The following IKZF2 variants were observed in gnomAD, a reference collection of about 807,000 sequenced individuals.
The protein encoded by IKZF2 is zinc finger protein Helios.
Under a neutral mutation model 49.2 loss-of-function variants are expected in IKZF2, and 15 were observed. The ratio of observed to expected loss-of-function variants is 0.30; its 90% CI spans 0.20 to 0.47. The LOEUF is 0.47. Ranked by LOEUF, IKZF2 falls within the 20% of genes least tolerant of loss-of-function variation. The pLI is 1.00. For synonymous variants in IKZF2, 227 were observed against 221.4 expected, an observed-to-expected ratio of 1.03 and a Z score of -0.23; for missense variants, 567 against 664.6, an observed-to-expected ratio of 0.85 and a Z score of 1.61.
At chr2:213,009,781 AG>A (rs1201229804) in intron 8 of IKZF2, among the ~76,000 whole-genome samples, 1 of 152,106 alleles carries the variant, frequency 6.6e-6, no homozygotes, top group Non-Finnish European at 1.5e-5. Flanking sequence ...AGGGGACTAA[AG>A]GAACACTTCT....
intron 4 of IKZF2, among the ~76,000 whole-genome samples, chr2:213,132,723 G>A (rs1235253002): frequency 6.6e-6 from 1 of 152,160 alleles, no homozygotes; most frequent in Non-Finnish European, 1.5e-5. Flanking sequence ...ACACCAAGCA[G>A]CCAAGACCTG....
intron 6 of IKZF2, among the ~76,000 whole-genome samples, chr2:213,040,860 G>A (rs905946403): frequency 6.6e-6 from 1 of 152,222 alleles, no homozygotes; most frequent in Non-Finnish European, 1.5e-5. Flanking sequence ...GCTCACGCCT[G>A]TAATCCCAGC....
At chr2:213,038,946 T>C (rs1699331735) in intron 6 of IKZF2, among the ~76,000 whole-genome samples, 1 of 152,150 alleles carries the variant, frequency 6.6e-6, no homozygotes, top group African/African-American at 2.4e-5. Flanking sequence ...AACATTATGT[T>C]GTTTCTTTAA....
intron 4 of IKZF2, among the ~76,000 whole-genome samples, chr2:213,057,940 C>T (rs1193426326): frequency 6.6e-6 from 1 of 152,088 alleles, no homozygotes; most frequent in Admixed American, 6.6e-5. Context: ...GTTAGCACAG[C>T]CTTCATTCTG....
At chr2:213,027,744 C>T (rs1287832671) in intron 6 of IKZF2, among the ~76,000 whole-genome samples, 1 of 152,050 alleles carries the variant, frequency 6.6e-6, no homozygotes, top group Non-Finnish European at 1.5e-5. Flanking sequence ...CTACTAACCT[C>T]CAAAGTTTCT....
At chr2:213,079,077 G>T (rs1703604874) in intron 4 of IKZF2, among the ~76,000 whole-genome samples, 1 of 152,110 alleles carries the variant, frequency 6.6e-6, no homozygotes, top group Non-Finnish European at 1.5e-5. Context: ...GGAGAAGGGG[G>T]AGAAGGTCTA....
At chr2:213,121,318 G>A (rs899093248) in intron 4 of IKZF2, among the ~76,000 whole-genome samples, 37 of 152,148 alleles carry the variant, frequency 2.4e-4, no homozygotes, top group African/African-American at 8.7e-4. Context: ...AGAAATATAA[G>A]GTCAACCAGG....
At chr2:213,119,361 A>T (rs1418962806) in intron 4 of IKZF2, among the ~76,000 whole-genome samples, 1 of 151,810 alleles carries the variant, frequency 6.6e-6, no homozygotes, top group Non-Finnish European at 1.5e-5. Context: ...CCACAACCTC[A>T]TTTTTTTTAA....
At chr2:213,044,954 G>A (rs2125297475) in intron 6 of IKZF2, among the ~76,000 whole-genome samples, 1 of 152,194 alleles carries the variant, frequency 6.6e-6, no homozygotes, top group Middle Eastern at 3.4e-3. Context: ...CAACTTCATT[G>A]AGGTATAGTT....
chr2:213,124,225 CACGCACACAT>C (rs1473418588), intron 4 of IKZF2, among the ~76,000 whole-genome samples: 15 of 147,290 alleles, frequency 1.0e-4, no homozygotes, highest in South Asian at 4.4e-4. Flanking sequence ...TCCTTGTGTG[CACGCACACAT>C]GCGCTCGCGC....
rs186334132 is a variant in IKZF2, at chr2:213,007,745, G to C, written c.1196C>G (p.Ser399Cys). 1 of 1,613,622 alleles carries C rather than the reference G, an allele frequency of 6.2e-7. No homozygotes were observed. The highest frequency in any genetic ancestry group is 1.3e-5 in the African/African-American group (1 of 74,878). ...PKSRPQEREA[S>C]PSNSCLDSTD... ...GGAATCCAGGCAGCTATTGCTGGGA[G>C]AGGCCTCTCTTTCCTGGGGTCGACT... is the stretch of plus-strand genomic sequence containing the variant. The change falls in exon 9 of 9, where the codon TCT (serine) becomes TGT (cysteine). Residue 399 changes from serine to cysteine, a missense_variant. Physicochemically the swap from Ser to Cys is moderately radical, Grantham distance 112 (BLOSUM62 -1). Transcript: ENST00000434687.
At chr2:213,016,363 G>A (rs1021817417) in intron 7 of IKZF2, among the ~76,000 whole-genome samples, 2 of 152,086 alleles carry the variant, frequency 1.3e-5, no homozygotes, top group East Asian at 3.9e-4. Context: ...CAACCATTAC[G>A]CTATACTACT....
At chr2:213,115,377 A>G (rs146211366) in intron 4 of IKZF2, among the ~76,000 whole-genome samples, 1 of 152,374 alleles carries the variant, frequency 6.6e-6, no homozygotes, top group Non-Finnish European at 1.5e-5. Context: ...TTCCATAGGC[A>G]TAAAACAATG....
At chr2:213,034,204 C>T (rs1052018589) in intron 6 of IKZF2, among the ~76,000 whole-genome samples, 2 of 152,222 alleles carry the variant, frequency 1.3e-5, no homozygotes, top group African/African-American at 4.8e-5. Context: ...AATGTTGTGG[C>T]TGGTTTGATC....
chr2:213,147,784 C>A lies in IKZF2; in HGVS notation c.63G>T (p.Glu21Asp). 1 of 1,613,154 alleles carries A rather than the reference C, an allele frequency of 6.2e-7. No individual in the cohort carries two copies. Among genetic ancestry groups the A allele is most frequent in the Non-Finnish European group, 8.5e-7 (1 of 1,179,244 alleles). Reference protein sequence around the residue: ...TCDNELSPEREHSNMAIDLTS... With the variant: ...TCDNELSPERDHSNMAIDLTS... ...TGAGGTCAATTGCCATATTGGAGTG[C>A]TCCCTTTCGGGTGAAAGCTCATTGT... The change falls in exon 4 of 9, where the codon GAG becomes GAT. Residue 21 changes from glutamate to aspartate, a missense_variant. Coordinates refer to ENST00000434687, the MANE Select transcript of IKZF2 (RefSeq NM_001387220.1).
Position 213,001,808 on chromosome 2 carries a change from G to C in IKZF2, c.*5552C>G, listed in dbSNP as rs1038753761. On this transcript the variant is annotated 3_prime_UTR_variant, in exon 9 of 9. Transcript: ENST00000434687. ...GACCTTTGTTACACAGAAAGGGAAG[G>C]GAGTTATGTTCAAAATCAGAATGCT... 11 of 151,466 alleles carry C rather than the reference G, an allele frequency of 7.3e-5. No individual in the cohort carries two copies. Among genetic ancestry groups the C allele is most frequent in the African/African-American group, 2.7e-4 (11 of 41,240 alleles). The allele number at this position is 151,466 out of a possible 1,614,324, so 9.4% of individuals were successfully genotyped here. A position where few individuals can be genotyped will look rare whatever the true frequency, so the allele number is the denominator to read the frequency against.
At chr2:213,099,719 T>C (rs776385292) in intron 4 of IKZF2, among the ~76,000 whole-genome samples, 19 of 152,280 alleles carry the variant, frequency 1.2e-4, no homozygotes, top group Non-Finnish European at 2.8e-4. Flanking sequence ...AAAGCATGTT[T>C]TAATGTTAGC....
chr2:213,004,716 T>G lies in IKZF2; in HGVS notation c.*2644A>C, dbSNP rs936443924. ...AAAAACACTACGTCCACAAAAATTCTTTCTGACCCACAAATTTGAATTGAC... is the reference window on the plus strand; with the variant it reads ...AAAAACACTACGTCCACAAAAATTCGTTCTGACCCACAAATTTGAATTGAC... On this transcript the variant is annotated 3_prime_UTR_variant, in exon 9 of 9. Coordinates refer to ENST00000434687, the MANE Select transcript of IKZF2 (RefSeq NM_001387220.1). The G allele has an allele frequency of 2.6e-5, 4 of 152,030 alleles. No individual in the cohort carries two copies. Among genetic ancestry groups the G allele is most frequent in the African/African-American group, 9.7e-5 (4 of 41,434 alleles). 9.4% of individuals were successfully genotyped at this position (152,030 alleles called of 1,614,324 possible).
intron 7 of IKZF2, chr2:213,021,531 G>A (rs1033565860): frequency 3.4e-6 from 1 of 293,210 alleles, no homozygotes; most frequent in African/African-American, 2.3e-5. Context: ...GAGAGATGGT[G>A]TCTAATGTTG....
Sources: allele counts gnomAD v4.1 joint callset (sites outside exome capture counted in the v4.1 genomes callset), GRCh38; gene constraint gnomAD v4.1.1; transcripts MANE v1.5; gene names NCBI Gene and HGNC (gene_info 2026-07-23, HGNC 2026-07-21).